ORC4: variants seen among roughly 807,000 people sequenced by gnomAD.
The protein encoded by ORC4 is origin recognition complex subunit 4.
Under a neutral mutation model 63.9 loss-of-function variants are expected in ORC4, and 55 were observed. That is an observed-to-expected ratio of 0.86 (90% CI 0.69 to 1.08). ORC4 has a LOEUF of 1.08. ORC4 is among the 50% of genes least tolerant of loss of function. The pLI, the probability that ORC4 is intolerant of heterozygous loss-of-function variation, is 0.00. For missense variants in ORC4, 511 were observed against 504.4 expected, an observed-to-expected ratio of 1.01 and a Z score of -0.13; for synonymous variants, 150 against 168.5, an observed-to-expected ratio of 0.89 and a Z score of 0.85.
intron 4 of ORC4, among the ~76,000 whole-genome samples, chr2:147,965,140 G>A (rs934405995): frequency 6.6e-5 from 10 of 152,100 alleles, no homozygotes; most frequent in South Asian, 2.1e-4. Flanking sequence ...CTGGTACTGC[G>A]GATACATAAA....
chr2:147,933,355 G>C lies in ORC4; in HGVS notation c.*2155C>G, dbSNP rs1558823247. 1 of 152,024 alleles carries C rather than the reference G, an allele frequency of 6.6e-6. No individual in the cohort carries two copies. Among genetic ancestry groups the C allele is most frequent in the African/African-American group, 2.4e-5 (1 of 41,420 alleles). The allele number at this position is 152,024 out of a possible 1,614,324, so 9.4% of individuals were successfully genotyped here. A position where few individuals can be genotyped will look rare whatever the true frequency, so the allele number is the denominator to read the frequency against. Reference sequence around the variant, plus strand: ...CGAATAGATTTTAGCATTTTTGTATGAGGGAATATGGAAAGGCCAACAAGC... The same window carrying C: ...CGAATAGATTTTAGCATTTTTGTATCAGGGAATATGGAAAGGCCAACAAGC... On this transcript the variant is annotated 3_prime_UTR_variant, in exon 14 of 14. Coordinates refer to ENST00000392857, the MANE Select transcript of ORC4 (RefSeq NM_181741.4).
At chr2:147,947,837 A>C in intron 9 of ORC4, 1 of 437,474 alleles carries the variant, frequency 2.3e-6, no homozygotes, top group Middle Eastern at 6.4e-4. Context: ...CTAAAGCTTA[A>C]CTGTGATGTT....
chr2:147,943,441 G>C lies in ORC4; in HGVS notation c.844C>G (p.Leu282Val), dbSNP rs759943445. ...ISKNLRSLHM[L>V]LMLALNRVTA... ...AAAACAAAACTAATACAAACCAATA[G>C]CATGTGTAATGACCGCAGGTTTTTG... Residue 282 changes from leucine to valine, a missense_variant, in exon 10 of 14, where the codon CTA becomes GTA. Physicochemically the swap from Leu to Val is conservative, Grantham distance 32. Transcript: ENST00000392857. The C allele has an allele frequency of 3.8e-6, 6 of 1,580,234 alleles. No individual in the cohort carries two copies. The highest frequency in any genetic ancestry group is 4.3e-6 in the Non-Finnish European group (5 of 1,150,344).
intron 1 of ORC4, among the ~76,000 whole-genome samples, chr2:148,001,406 ATC>A (rs1453206366): frequency 2.0e-5 from 3 of 152,178 alleles, no homozygotes; most frequent in African/African-American, 7.2e-5. Flanking sequence ...CTAACAACGG[ATC>A]TCTCTGCAGG....
rs1693611704 is a variant in ORC4 at position 148,020,194 on chromosome 2, GA to G, written c.-18+438del. Among the ~76,000 whole-genome samples, 3 of 152,228 alleles carry G rather than the reference GA, an allele frequency of 2.0e-5. No individual in the cohort carries two copies. In the East Asian group the frequency reaches 5.8e-4, roughly 29 times the overall value. On this transcript the variant is annotated intron_variant, in intron 1 of 13. Transcript: ENST00000392857. Reference sequence around the variant, plus strand: ...CAGGGAGGGTTGAGAGGTAAGGCATGAAGGGCGCAATATCCAATATGAGCAA... The same window carrying G: ...CAGGGAGGGTTGAGAGGTAAGGCATGAGGGCGCAATATCCAATATGAGCAA...
At chr2:147,974,962 T>C (rs1690455230) in intron 2 of ORC4, among the ~76,000 whole-genome samples, 1 of 152,120 alleles carries the variant, frequency 6.6e-6, no homozygotes, top group Admixed American at 6.6e-5. Context: ...GGTATACACA[T>C]GTATTGATAT....
At chr2:147,998,773 T>G (rs1413340235) in intron 1 of ORC4, among the ~76,000 whole-genome samples, 39 of 152,156 alleles carry the variant, frequency 2.6e-4, no homozygotes, top group Non-Finnish European at 7.4e-5. Flanking sequence ...AAAAGTAGTA[T>G]AGGACTAAGA....
chr2:147,935,788 C>T, intron 13 of ORC4, 90 bp from the exon 14 acceptor site: 1 of 1,134,970 alleles, frequency 8.8e-7, no homozygotes, highest in Admixed American at 1.7e-5. Flanking sequence ...GCATTTTGGT[C>T]AGCTGCAGAA....
chr2:148,021,022 C>G (rs542802701), upstream of ORC4: 1 of 152,368 alleles, frequency 6.6e-6, no homozygotes. Context: ...ACCAACCAGC[C>G]ACCCGTCAGA....
chr2:147,950,042 T>A (rs548430735), intron 8 of ORC4, among the ~76,000 whole-genome samples: 1 of 152,222 alleles, frequency 6.6e-6, no homozygotes, highest in South Asian at 2.1e-4. Context: ...ACTAATAGCC[T>A]GAGGTAGGAG....
chr2:147,975,909 A>G lies in ORC4; in HGVS notation c.50T>C (p.Leu17Pro). ...ATGAAAATACATACTAACCTGTGAA[A>G]GGCACTCTGTGTGAATTAAGCTGTT... The part of the protein sequence containing the change: ...KSNSLIHTEC[L>P]SQVQRILRER... The change falls in exon 2 of 14, where the codon CTT becomes CCT. Residue 17 changes from leucine to proline, a missense_variant. Leu to Pro is a moderately conservative substitution (Grantham distance 98). Coordinates refer to ENST00000392857, the MANE Select transcript of ORC4 (RefSeq NM_181741.4). 1 of 1,559,234 alleles carries G rather than the reference A, an allele frequency of 6.4e-7. No homozygotes were observed. Among genetic ancestry groups the G allele is most frequent in the South Asian group, 1.1e-5 (1 of 90,036 alleles).
intron 1 of ORC4, among the ~76,000 whole-genome samples, chr2:148,002,632 T>C (rs1190687177): frequency 6.6e-6 from 1 of 152,160 alleles, no homozygotes; most frequent in East Asian, 1.9e-4. Flanking sequence ...GGGAAATTTA[T>C]AGCACTAAAT....
chr2:147,979,667 T>G (rs1431027805), intron 1 of ORC4, among the ~76,000 whole-genome samples: 2 of 152,050 alleles, frequency 1.3e-5, no homozygotes, highest in East Asian at 1.9e-4. Flanking sequence ...TCAGACTACC[T>G]GATTTCAATA....
At chr2:147,972,990 C>A (rs1197645932) in intron 3 of ORC4, among the ~76,000 whole-genome samples, 161 bp from the exon 4 acceptor site, 1 of 152,062 alleles carries the variant, frequency 6.6e-6, no homozygotes, top group Non-Finnish European at 1.5e-5. Context: ...TAGAAAAATA[C>A]AAAAGAAATA....
In ORC4 at chr2:147,948,196, A is replaced by C; in HGVS notation, c.617T>G (p.Val206Gly). ...CTGCCGGTGAGAAAATCTTGACTTCACTCTTTTTTCTAAGAGTTCCAAAAT... is the reference window on the plus strand; with the variant it reads ...CTGCCGGTGAGAAAATCTTGACTTCCCTCTTTTTTCTAAGAGTTCCAAAAT... ...LDILELLEKR[V>G]KSRFSHRQIH... The change falls in exon 9 of 14, where the codon GTG becomes GGG. Residue 206 changes from valine to glycine, a missense_variant. By Grantham distance (109) the Val-to-Gly change is moderately radical. Transcript: ENST00000392857. The C allele has an allele frequency of 6.2e-7, 1 of 1,608,940 alleles. No homozygotes were observed. Among genetic ancestry groups the C allele is most frequent in the South Asian group, 1.1e-5 (1 of 90,522 alleles).
intron 1 of ORC4, among the ~76,000 whole-genome samples, chr2:147,981,283 T>C (rs1431814593): frequency 6.6e-6 from 1 of 152,212 alleles, no homozygotes; most frequent in Non-Finnish European, 1.5e-5. Context: ...ACTGAGTGAT[T>C]ATGGGACACA....
intron 1 of ORC4, among the ~76,000 whole-genome samples, chr2:147,982,385 A>G (rs966756470): frequency 6.6e-6 from 1 of 152,224 alleles, no homozygotes; most frequent in Non-Finnish European, 1.5e-5. Context: ...ATTAAAATGT[A>G]AAAAGGAGAA....
intron 4 of ORC4, among the ~76,000 whole-genome samples, chr2:147,965,374 G>A (rs1041607931): frequency 9.2e-5 from 14 of 151,724 alleles, no homozygotes; most frequent in Admixed American, 6.6e-4. Context: ...ATTATATGCT[G>A]CTACAAGAAA....
At chr2:147,938,114 C>G (rs1178244702) in intron 13 of ORC4, 32 bp downstream of exon 13, 27 of 1,426,462 alleles carry the variant, frequency 1.9e-5, no homozygotes, top group Non-Finnish European at 2.6e-5. Context: ...ATATACTTGT[C>G]TGTAGAAAAA....
Sources: gnomAD v4.1 joint callset for allele counts (sites outside exome capture counted in the v4.1 genomes callset) on GRCh38, gnomAD v4.1.1 for gene constraint, MANE v1.5 for transcripts, NCBI Gene and HGNC (gene_info 2026-07-23, HGNC 2026-07-21) for gene names.